INTU: variants seen among roughly 807,000 people sequenced by gnomAD.
INTU encodes the protein inturned planar cell polarity protein.
A neutral mutation model predicts 100.5 loss-of-function variants in INTU; 68 were observed. The ratio of observed to expected loss-of-function variants is 0.68; its 90% CI spans 0.56 to 0.83. INTU has a LOEUF of 0.83. Ranked by LOEUF, INTU falls within the 40% of genes least tolerant of loss-of-function variation. INTU has a pLI of 0.00. For missense variants in INTU, 1,071 were observed against 1,114.7 expected, an observed-to-expected ratio of 0.96 and a Z score of 0.56; for synonymous variants, 357 against 395.7, an observed-to-expected ratio of 0.90 and a Z score of 1.16.
chr4:127,693,080 A>G (rs771629964), intron 8 of INTU, among the ~76,000 whole-genome samples: 14 of 151,996 alleles, frequency 9.2e-5, no homozygotes, highest in Non-Finnish European at 1.3e-4. Context: ...GGTTCCAAAT[A>G]TTAATTTTAG....
At chr4:127,698,496 T>C (rs943137411) in intron 8 of INTU, among the ~76,000 whole-genome samples, 1 of 151,532 alleles carries the variant, frequency 6.6e-6, no homozygotes, top group South Asian at 2.1e-4. Context: ...TGAGGTAACA[T>C]GCCTGGCAAT....
chr4:127,705,361 G>A (rs1427090606), intron 10 of INTU, among the ~76,000 whole-genome samples: 2 of 152,116 alleles, frequency 1.3e-5, no homozygotes, highest in Non-Finnish European at 2.9e-5. Flanking sequence ...GTGCAGAAGG[G>A]ATCTTGCTTT....
intron 5 of INTU, among the ~76,000 whole-genome samples, chr4:127,670,321 G>A (rs1156575770): frequency 6.6e-6 from 1 of 151,504 alleles, no homozygotes; most frequent in Non-Finnish European, 1.5e-5. Flanking sequence ...CCATATTCAG[G>A]TAGAAATGAC....
intron 3 of INTU, 64 bp downstream of exon 3, chr4:127,656,785 C>A: frequency 1.9e-6 from 2 of 1,030,354 alleles, no homozygotes; most frequent in Non-Finnish European, 2.9e-6. Flanking sequence ...ATATATCGTG[C>A]ACTATTTTCC....
At chr4:127,675,945 A>T (rs1258375220) in intron 6 of INTU, 1 of 307,710 alleles carries the variant, frequency 3.2e-6, no homozygotes, top group Non-Finnish European at 7.0e-6. Context: ...TGGGGAGAGG[A>T]ATTAAGCCTC....
chr4:127,665,460 A>G (rs1728656440), intron 4 of INTU, among the ~76,000 whole-genome samples: 1 of 152,110 alleles, frequency 6.6e-6, no homozygotes, highest in Admixed American at 6.6e-5. Context: ...TGTGTGGGTG[A>G]TCAATTCTTT....
chr4:127,652,009 G>C (rs1180113525), intron 2 of INTU, among the ~76,000 whole-genome samples: 1 of 147,278 alleles, frequency 6.8e-6, no homozygotes, highest in African/African-American at 2.5e-5. Context: ...CTCATGATTT[G>C]GCTCTCTGTT....
intron 4 of INTU, among the ~76,000 whole-genome samples, chr4:127,665,678 C>T (rs1228699350): frequency 6.6e-6 from 1 of 152,180 alleles, no homozygotes; most frequent in East Asian, 1.9e-4. Flanking sequence ...TTCTAGTGTT[C>T]CTATTATTCC....
chr4:127,638,217 T>C (rs1304364971), intron 1 of INTU, among the ~76,000 whole-genome samples: 1 of 152,196 alleles, frequency 6.6e-6, no homozygotes, highest in Non-Finnish European at 1.5e-5. Flanking sequence ...AGTGTTTTTA[T>C]TGTGTGTGGT....
intron 2 of INTU, among the ~76,000 whole-genome samples, chr4:127,646,326 G>A (rs544511878): frequency 2.0e-5 from 3 of 152,224 alleles, no homozygotes; most frequent in Non-Finnish European, 1.5e-5. Flanking sequence ...TATCTCTATG[G>A]TTTGTTCTTT....
chr4:127,658,123 T>G (rs895691568), intron 3 of INTU, among the ~76,000 whole-genome samples: 7 of 152,244 alleles, frequency 4.6e-5, no homozygotes, highest in African/African-American at 1.2e-4. Context: ...ATGATGAAAT[T>G]CCTTATTTTC....
chr4:127,661,295 G>T (rs751903745), intron 3 of INTU, among the ~76,000 whole-genome samples: 5 of 152,164 alleles, frequency 3.3e-5, no homozygotes, highest in Non-Finnish European at 5.9e-5. Context: ...ATTTGAGGTT[G>T]TTGCTGCTGC....
intron 8 of INTU, among the ~76,000 whole-genome samples, chr4:127,696,533 C>G (rs1050161410): frequency 6.6e-6 from 1 of 151,826 alleles, no homozygotes; most frequent in Admixed American, 6.6e-5. Flanking sequence ...TGCCCCCCCC[C>G]TTTCATTTCT....
At chr4:127,640,286 A>C (rs1366856835) in intron 1 of INTU, among the ~76,000 whole-genome samples, 1 of 151,918 alleles carries the variant, frequency 6.6e-6, no homozygotes. Context: ...ATCATAATAG[A>C]ACAAAATTTG....
At chr4:127,640,557 A>AGG (rs1727273077) in intron 1 of INTU, among the ~76,000 whole-genome samples, 1 of 54,118 alleles carries the variant, frequency 1.8e-5, no homozygotes. Context: ...ATATATATAT[A>AGG]TATATATATA....
intron 2 of INTU, among the ~76,000 whole-genome samples, chr4:127,651,087 T>C (rs1201124317): frequency 6.6e-6 from 1 of 152,134 alleles, no homozygotes; most frequent in Admixed American, 6.5e-5. Flanking sequence ...CTTGTAAATT[T>C]GTTTGAGTTC....
At chr4:127,695,463 C>T (rs920808959) in intron 8 of INTU, among the ~76,000 whole-genome samples, 8 of 151,992 alleles carry the variant, frequency 5.3e-5, no homozygotes, top group East Asian at 1.9e-4. Context: ...AAAATTAAGC[C>T]GGGTGTGGTG....
chr4:127,710,756 A>G (rs1418244971), intron 13 of INTU, among the ~76,000 whole-genome samples, 157 bp from the exon 14 acceptor site: 1 of 152,220 alleles, frequency 6.6e-6, no homozygotes, highest in East Asian at 1.9e-4. Flanking sequence ...TGAAGAGGGA[A>G]TTAAATGTTT....
intron 14 of INTU, among the ~76,000 whole-genome samples, chr4:127,713,516 A>G (rs575696909): frequency 5.3e-5 from 8 of 152,344 alleles, no homozygotes; most frequent in Admixed American, 1.3e-4. Context: ...TTACAGAATT[A>G]TCTGTTCATT....
Sources: allele counts gnomAD v4.1 joint callset (sites outside exome capture counted in the v4.1 genomes callset), GRCh38; gene constraint gnomAD v4.1.1; transcripts MANE v1.5; gene names NCBI Gene and HGNC (gene_info 2026-07-23, HGNC 2026-07-21).